Variants in PCYT1B observed in about 807,000 individuals in gnomAD.
PCYT1B encodes the protein choline-phosphate cytidylyltransferase B.
A neutral mutation model predicts 26.4 loss-of-function variants in PCYT1B; 10 were observed. That is an observed-to-expected ratio of 0.38 (90% confidence interval 0.23 to 0.64). The LOEUF (loss-of-function observed/expected upper bound fraction) is 0.64, where lower values mean the gene tolerates loss of function less well. Among genes scored for constraint, PCYT1B ranks in the 30% least tolerant of loss-of-function variants. The pLI is 0.56. For missense variants in PCYT1B, 161 were observed against 292.7 expected (o/e 0.55, Z 3.28); for synonymous variants, 131 against 108.4 (o/e 1.21, Z -1.29).
intron 2 of PCYT1B, among the ~76,000 whole-genome samples, chrX:24,610,466 T>C (rs1378312964): frequency 2.7e-5 from 3 of 111,862 alleles, no homozygotes; most frequent in African/African-American, 9.7e-5. Flanking sequence ...AACTGTCTAA[T>C]GAGGGAGCCT....
intron 3 of PCYT1B, among the ~76,000 whole-genome samples, chrX:24,605,931 A>G (rs1271856302): frequency 9.2e-6 from 1 of 108,238 alleles, no homozygotes; most frequent in Non-Finnish European, 1.9e-5. Flanking sequence ...GCACGCGCCT[A>G]TAATCCCAGC....
chrX:24,593,753 C>G (rs1328100652), intron 3 of PCYT1B, among the ~76,000 whole-genome samples: 1 of 110,046 alleles, frequency 9.1e-6, no homozygotes, highest in African/African-American at 3.3e-5. Flanking sequence ...TCTCAAAGTC[C>G]TGACTTCAAG....
upstream of PCYT1B, among the ~76,000 whole-genome samples, chrX:24,650,971 G>T (rs1349956651): frequency 8.9e-6 from 1 of 111,781 alleles, no homozygotes; most frequent in African/African-American, 3.3e-5. Flanking sequence ...TTATGGGCAC[G>T]TGTTAGCATT....
intron 5 of PCYT1B, among the ~76,000 whole-genome samples, chrX:24,586,392 C>G (rs762475441): frequency 1.8e-5 from 2 of 112,502 alleles, no homozygotes; most frequent in East Asian, 5.6e-4. Context: ...GGAGCCCATC[C>G]TACCTCAAGA....
In PCYT1B at chrX:24,562,075, G is replaced by A; in HGVS notation, c.*218C>T. The stretch of plus-strand genomic sequence containing the variant: ...GACTCTAGACGCTAAGGTTTGTGTA[G>A]GTTGTCCAGCTAGAAGTCTCTGCAC... On this transcript the variant is annotated 3_prime_UTR_variant, in exon 8 of 8. Coordinates refer to ENST00000379144, the MANE Select transcript of PCYT1B (RefSeq NM_004845.5). The A allele has an allele frequency of 8.3e-7, 1 of 1,207,848 alleles. No individual in the cohort carries two copies. The highest frequency in any genetic ancestry group is 1.1e-6 in the Non-Finnish European group (1 of 892,107).
chrX:24,602,540 G>C (rs1456429822), intron 3 of PCYT1B, among the ~76,000 whole-genome samples: 1 of 111,298 alleles, frequency 9.0e-6, no homozygotes, highest in Non-Finnish European at 1.9e-5. Flanking sequence ...ATAATGATGT[G>C]TCAATGTAGG....
At chrX:24,573,003 T>TATACACACATATACACACAC (rs1923888894) in intron 7 of PCYT1B, among the ~76,000 whole-genome samples, 1 of 106,163 alleles carries the variant, frequency 9.4e-6, no homozygotes, top group Non-Finnish European at 1.9e-5. Flanking sequence ...CACACACATA[T>TATACACACATATACACACAC]ATACACACAT....
At chrX:24,619,261 C>A (rs1925623810) in intron 1 of PCYT1B, 177 bp from the exon 2 acceptor site, 2 of 425,578 alleles carry the variant, frequency 4.7e-6, no homozygotes, top group Admixed American at 7.2e-5. Flanking sequence ...ATCACTGAAA[C>A]CTTTTGGTTT....
At chrX:24,579,199 A>AG (rs1555956461) in intron 6 of PCYT1B, 117 bp downstream of exon 6, 7,604 of 452,153 alleles carry the variant, frequency 0.017, 6 homozygotes, top group East Asian at 0.024. Flanking sequence ...AAAAAAAAAA[A>AG]AGAGAGAGAG....
In PCYT1B at chrX:24,569,127, T is replaced by A. The variant is rs780096643; in HGVS notation, c.897+6003A>T. 3.1e-4 allele frequency among the ~76,000 whole-genome samples: 34 copies of A among 110,979 alleles called. 1 individual carries two copies. In the East Asian group the frequency reaches 6.5e-3, roughly 21 times the overall value. On this transcript the variant is annotated intron_variant, in intron 7 of 7. Coordinates refer to ENST00000379144, the MANE Select transcript of PCYT1B (RefSeq NM_004845.5). ...AACAACAACAACAACAATCTTTTTTTAAAAAAAGATAAAATTTTTTAAACT... is the reference window on the plus strand; with the variant it reads ...AACAACAACAACAACAATCTTTTTTAAAAAAAAGATAAAATTTTTTAAACT...
intron 6 of PCYT1B, 126 bp downstream of exon 6, chrX:24,579,186 CAAAA>C: frequency 3.0e-5 from 11 of 366,920 alleles, no homozygotes; most frequent in South Asian, 1.1e-4. Context: ...CATCTCTACA[CAAAA>C]AAAAAAAAAA....
chrX:24,643,611 T>C (rs1926530960), intron 1 of PCYT1B, among the ~76,000 whole-genome samples: 1 of 112,340 alleles, frequency 8.9e-6, no homozygotes, highest in South Asian at 3.7e-4. Flanking sequence ...TCTCCTTTCT[T>C]ATATTTTCCT....
chrX:24,590,240 C>T, intron 3 of PCYT1B, 66 bp from the exon 4 acceptor site: 1 of 985,251 alleles, frequency 1.0e-6, no homozygotes, highest in Non-Finnish European at 1.4e-6. Flanking sequence ...CACCCTGGTT[C>T]AGACAAGGCT....
At chrX:24,624,177 A>T (rs368107004) in intron 1 of PCYT1B, among the ~76,000 whole-genome samples, 1 of 109,493 alleles carries the variant, frequency 9.1e-6, no homozygotes, top group African/African-American at 3.3e-5. Flanking sequence ...CACTGTGTTA[A>T]CCAGGATGGT....
exon 1 of PCYT1B, chrX:24,672,625 C>A (rs1927278652): frequency 8.4e-7 from 1 of 1,197,306 alleles, no homozygotes; most frequent in Non-Finnish European, 1.1e-6. Flanking sequence ...CTCCTGATGG[C>A]CTACCATGCC....
chrX:24,602,829 C>T (rs1344464098), intron 3 of PCYT1B, among the ~76,000 whole-genome samples: 6 of 110,867 alleles, frequency 5.4e-5, no homozygotes, highest in African/African-American at 9.8e-5. Context: ...TTTGAGATGG[C>T]GTCTCGCTCT....
chrX:24,571,257 G>C (rs571323880), intron 7 of PCYT1B, among the ~76,000 whole-genome samples: 3 of 111,141 alleles, frequency 2.7e-5, no homozygotes, highest in Non-Finnish European at 5.7e-5. Context: ...CTAGCTACTC[G>C]GGAGGCTGAG....
chrX:24,654,971 A>G (rs1926875673), intron 1 of PCYT1B, among the ~76,000 whole-genome samples: 1 of 111,034 alleles, frequency 9.0e-6, no homozygotes, highest in Non-Finnish European at 1.9e-5. Flanking sequence ...AAAATACTCT[A>G]CCATACTAAG....
chrX:24,646,941 T>G, intron 1 of PCYT1B, 48 bp downstream of exon 1: 2 of 1,069,908 alleles, frequency 1.9e-6, no homozygotes, highest in Non-Finnish European at 2.6e-6. Context: ...TAAGGAACTC[T>G]TTTATGCCAT....
Sources: gnomAD v4.1 joint callset for allele counts (sites outside exome capture counted in the v4.1 genomes callset) on GRCh38, gnomAD v4.1.1 for gene constraint, MANE v1.5 for transcripts, NCBI Gene and HGNC (gene_info 2026-07-23, HGNC 2026-07-21) for gene names.